The following RAB31 variants were observed in gnomAD, a reference collection of about 807,000 sequenced individuals.
RAB31 encodes RAB31, member RAS oncogene family.
In RAB31, 21 loss-of-function variants were observed where a neutral mutation model predicts 25.6. That is an observed-to-expected ratio of 0.82 (90% CI 0.58 to 1.18). RAB31 has a LOEUF of 1.18. RAB31 is among the 50% of genes most tolerant of loss of function. RAB31 has a pLI of 0.00. For synonymous variants in RAB31, 87 were observed against 84.0 expected (o/e 1.04, Z -0.20); for missense variants, 196 against 250.1 (o/e 0.78, Z 1.46).
chr18:9,827,062 G>A, intron 5 of RAB31, among the ~76,000 whole-genome samples: 1 of 151,560 alleles, frequency 6.6e-6, no homozygotes, highest in East Asian at 2.0e-4. Flanking sequence ...GCTTGATCTT[G>A]TTTTCCTGAT....
chr18:9,841,333 A>G (rs946299404), intron 5 of RAB31, among the ~76,000 whole-genome samples: 10 of 151,304 alleles, frequency 6.6e-5, no homozygotes, highest in African/African-American at 2.4e-4. Context: ...AGGTCAGGAG[A>G]TCAAGACCAT....
At chr18:9,834,724 G>A (rs189573772) in intron 5 of RAB31, among the ~76,000 whole-genome samples, 1 of 152,160 alleles carries the variant, frequency 6.6e-6, no homozygotes, top group Admixed American at 6.5e-5. Context: ...TTGGCGGTGG[G>A]GGAAGGATGC....
intron 1 of RAB31, among the ~76,000 whole-genome samples, chr18:9,727,528 C>A (rs2068101397): frequency 6.6e-6 from 1 of 152,154 alleles, no homozygotes; most frequent in Non-Finnish European, 1.5e-5. Flanking sequence ...GTTGTCGAGG[C>A]TGGTCTCGAA....
chr18:9,785,153 C>A (rs1568178394), intron 2 of RAB31: 1 of 153,592 alleles, frequency 6.5e-6, no homozygotes, highest in Non-Finnish European at 1.5e-5. Context: ...CTATAAAATT[C>A]TTTGAGGATG....
At chr18:9,738,800 T>G (rs1239061616) in intron 1 of RAB31, among the ~76,000 whole-genome samples, 1 of 152,214 alleles carries the variant, frequency 6.6e-6, no homozygotes, top group Non-Finnish European at 1.5e-5. Flanking sequence ...TTCCTCCTTG[T>G]GCTAGGCCTC....
intron 1 of RAB31, among the ~76,000 whole-genome samples, chr18:9,767,184 A>G (rs1367596801): frequency 6.6e-6 from 1 of 152,232 alleles, no homozygotes; most frequent in Non-Finnish European, 1.5e-5. Context: ...TTATAGGCAA[A>G]TCATATTCTC....
At chr18:9,753,334 G>A (rs1328426344) in intron 1 of RAB31, among the ~76,000 whole-genome samples, 1 of 152,124 alleles carries the variant, frequency 6.6e-6, no homozygotes, top group Non-Finnish European at 1.5e-5. Context: ...GGGATTAATG[G>A]GTTATCACAG....
chr18:9,766,205 G>C lies in RAB31; in HGVS notation c.40-9073G>C, dbSNP rs1193550417. Among the ~76,000 whole-genome samples the C allele has an allele frequency of 2.0e-5, 3 of 152,176 alleles. No homozygotes were observed. The highest frequency in any genetic ancestry group is 2.9e-5 in the Non-Finnish European group (2 of 68,032). ...CAGTAACCCTGGCCTGGATTGCTAA[G>C]GCCAGGGCCCGGGAGCTGGGCTCTC... On this transcript the variant is annotated intron_variant, in intron 1 of 6. Transcript: ENST00000578921. The surrounding 1 kb of genome is among the most constrained non-coding windows in gnomAD (Gnocchi z 4.3).
At chr18:9,775,012 C>A in intron 1 of RAB31, 1 of 575,372 alleles carries the variant, frequency 1.7e-6, no homozygotes, top group Non-Finnish European at 3.2e-6. Flanking sequence ...TGAACATGTT[C>A]ATTTTTGGTT....
chr18:9,812,793 G>A (rs1432583583), intron 3 of RAB31, among the ~76,000 whole-genome samples: 2 of 148,056 alleles, frequency 1.4e-5, no homozygotes, highest in African/African-American at 2.5e-5. Flanking sequence ...TGCCTCCCGG[G>A]TTCTAGCATT....
intron 1 of RAB31, among the ~76,000 whole-genome samples, chr18:9,720,747 A>G (rs2068070099): frequency 6.6e-6 from 1 of 151,610 alleles, no homozygotes; most frequent in Non-Finnish European, 1.5e-5. Flanking sequence ...TTTCGTTAAA[A>G]CCTGCAAAAT....
At chr18:9,826,061 C>CCCACGTA (rs2068648238) in intron 5 of RAB31, among the ~76,000 whole-genome samples, 1 of 152,030 alleles carries the variant, frequency 6.6e-6, no homozygotes, top group African/African-American at 2.4e-5. Context: ...TGCACACGTA[C>CCCACGTA]CCCTCTGAAT....
rs1456540332 is a variant in RAB31 at position 9,815,240 on chromosome 18, C to T, written c.380+18C>T. On this transcript the variant is annotated intron_variant, in intron 5 of 6. Transcript: ENST00000578921. ...GATATTAGGTAAGATGCATTGAAAT[C>T]TCTTTTGTGTAGATACTGTCCTCCA... is the stretch of plus-strand genomic sequence containing the variant. 7 of 1,492,046 alleles carry T rather than the reference C, an allele frequency of 4.7e-6. No homozygotes were observed. The highest frequency in any genetic ancestry group is 9.2e-7 in the Non-Finnish European group (1 of 1,092,600). The allele number at this position is 1,492,046 out of a possible 1,614,324, so 92.4% of individuals were successfully genotyped here.
At chr18:9,856,496 T>G (rs1189444165) in intron 6 of RAB31, 3 of 152,176 alleles carry the variant, frequency 2.0e-5, no homozygotes, top group Non-Finnish European at 4.4e-5. Context: ...AGCAAAAAAC[T>G]TATGAAAACA....
chr18:9,793,428 C>G (rs1034620832), intron 3 of RAB31, among the ~76,000 whole-genome samples: 3 of 152,006 alleles, frequency 2.0e-5, no homozygotes, highest in Non-Finnish European at 4.4e-5. Flanking sequence ...TTTGGGAGGC[C>G]GAGGCGGGCG....
At chr18:9,740,253 G>T (rs985957561) in intron 1 of RAB31, among the ~76,000 whole-genome samples, 4 of 152,212 alleles carry the variant, frequency 2.6e-5, no homozygotes, top group Non-Finnish European at 5.9e-5. Context: ...TTCAGTAAAA[G>T]TTCCTTTGTT....
At chr18:9,765,642 C>A (rs2068311908) in intron 1 of RAB31, among the ~76,000 whole-genome samples, 1 of 152,078 alleles carries the variant, frequency 6.6e-6, no homozygotes, top group African/African-American at 2.4e-5. Context: ...ATTTAGGGCC[C>A]AGAGCAAACA....
intron 1 of RAB31, among the ~76,000 whole-genome samples, chr18:9,709,720 G>T (rs62078921): frequency 3.4e-3 from 525 of 152,274 alleles, no homozygotes; most frequent in Non-Finnish European, 5.1e-3. Flanking sequence ...GCACAGATCC[G>T]CACAGATCCC....
intron 5 of RAB31, among the ~76,000 whole-genome samples, chr18:9,827,045 T>A (rs1223460150): frequency 6.6e-6 from 1 of 152,040 alleles, no homozygotes; most frequent in Non-Finnish European, 1.5e-5. Context: ...AGTTCTACAT[T>A]TCTTCTGCTT....
Sources: gnomAD v4.1 joint callset for allele counts (sites outside exome capture counted in the v4.1 genomes callset) on GRCh38, gnomAD v4.1.1 for gene constraint, Gnocchi (gnomAD v3.1) non-coding constraint, MANE v1.5 for transcripts, NCBI Gene and HGNC (gene_info 2026-07-23, HGNC 2026-07-21) for gene names.